Variants in SAFB observed in about 807,000 individuals in gnomAD.
The protein encoded by SAFB is scaffold attachment factor B, also known as scaffold attachment factor B1.
SAFB carries 15 observed loss-of-function variants against 101.6 expected under a neutral mutation model. That is an observed-to-expected ratio of 0.15 (90% confidence interval 0.10 to 0.23). The LOEUF (loss-of-function observed/expected upper bound fraction) is 0.23, where lower values mean the gene tolerates loss of function less well. SAFB is among the 10% of genes least tolerant of loss of function. The pLI is 1.00. For missense variants in SAFB, 930 were observed against 1,104.1 expected (o/e 0.84, Z 2.23); for synonymous variants, 449 against 407.5 (o/e 1.10, Z -1.23).
chr19:5,664,221 C>T, intron 16 of SAFB, 62 bp downstream of exon 16: 1 of 1,572,076 alleles, frequency 6.4e-7, no homozygotes, highest in African/African-American at 1.4e-5. Context: ...TGACTGAGAA[C>T]AAGGACTCCT....
intron 2 of SAFB, among the ~76,000 whole-genome samples, chr19:5,636,528 C>T (rs2053599901): frequency 6.6e-6 from 1 of 151,908 alleles, no homozygotes. Context: ...GTTTGATAGT[C>T]CCCTATCTTT....
At chr19:5,659,399 C>T (rs1372627257) in intron 14 of SAFB, among the ~76,000 whole-genome samples, 3 of 150,202 alleles carry the variant, frequency 2.0e-5, no homozygotes, top group Admixed American at 6.6e-5. Context: ...TTTTTTTTTC[C>T]GAGACGGAAT....
chr19:5,623,620 C>T (rs895492936), intron 1 of SAFB, among the ~76,000 whole-genome samples: 2 of 152,116 alleles, frequency 1.3e-5, no homozygotes, highest in South Asian at 2.1e-4. Flanking sequence ...ACCACAAAAA[C>T]GGCACGCGTG....
At chr19:5,629,463 T>C (rs2053441833) in intron 2 of SAFB, among the ~76,000 whole-genome samples, 1 of 152,124 alleles carries the variant, frequency 6.6e-6, no homozygotes, top group African/African-American at 2.4e-5. Flanking sequence ...CACACCTGTA[T>C]GCATATTTTT....
Position 5,623,142 on chromosome 19 carries a change from C to T in SAFB, c.-64C>T. The stretch of plus-strand genomic sequence containing the variant: ...CCCTCGCAGGCGGCGCCATTTTGTG[C>T]TAGGAGCCTGATAAAACCGGCCCGG... On this transcript the variant is annotated 5_prime_UTR_variant, in exon 1 of 21. Coordinates refer to ENST00000588852, the MANE Select transcript of SAFB (RefSeq NM_001201338.2). 2.0e-6 allele frequency: 3 copies of T among 1,497,990 alleles called. No homozygotes were observed. The highest frequency in any genetic ancestry group is 2.4e-5 in the South Asian group (2 of 82,756). The allele number at this position is 1,497,990 out of a possible 1,614,324, so 92.8% of individuals were successfully genotyped here.
rs373744215 is a variant in SAFB at position 5,668,262 on chromosome 19, A to G, written c.2725A>G (p.Ser909Gly). ...FGGQSRGSRP[S>G]DARFTRRY ...AGGCCAGAGCCGGGGGAGCAGGCCC[A>G]GCGATGCCCGCTTCACTCGCCGCTA... is the stretch of plus-strand genomic sequence containing the variant. The change falls in exon 21 of 21, where the codon AGC (serine) becomes GGC (glycine). Residue 909 changes from serine (S) to glycine (G), a missense_variant. Ser to Gly is a moderately conservative substitution (Grantham distance 56). Transcript: ENST00000588852. The G allele has an allele frequency of 3.1e-6, 5 of 1,612,022 alleles. No homozygotes were observed. The Admixed American group carries it at 8.4e-5, about 27-fold the overall frequency.
chr19:5,658,078 G>A (rs2054104901), intron 14 of SAFB, among the ~76,000 whole-genome samples: 1 of 151,420 alleles, frequency 6.6e-6, no homozygotes, highest in African/African-American at 2.4e-5. Context: ...GCTCACCGCA[G>A]CCTCCACCTC....
rs1416612890 is a variant in SAFB at position 5,649,439 on chromosome 19, A to G, written c.1088A>G (p.Asn363Ser). The stretch of plus-strand genomic sequence containing the variant: ...AGGAAGTTTGATTTTGACGCTTGTA[A>G]TGAAGTCCCTCCGGCTCCTAAAGAG... ...DGRKFDFDAC[N>S]EVPPAPKESS... The change falls in exon 7 of 21, where the codon AAT becomes AGT. Residue 363 changes from asparagine to serine, a missense_variant. By Grantham distance (46) the Asn-to-Ser change is conservative. Coordinates refer to ENST00000588852, the MANE Select transcript of SAFB (RefSeq NM_001201338.2). The G allele has an allele frequency of 2.0e-6, 1 of 491,782 alleles. No individual in the cohort carries two copies. Among genetic ancestry groups the G allele is most frequent in the African/African-American group, 3.6e-5 (1 of 27,724 alleles). The allele number at this position is 491,782 out of a possible 1,614,324, so 30.5% of individuals were successfully genotyped here.
intron 2 of SAFB, among the ~76,000 whole-genome samples, chr19:5,634,723 C>T (rs2053559799): frequency 6.6e-6 from 1 of 152,036 alleles, no homozygotes; most frequent in South Asian, 2.1e-4. Flanking sequence ...TATGAACAGG[C>T]AATTTACAAA....
In SAFB at chr19:5,653,406, G is replaced by A. The variant is rs1230145669; in HGVS notation, c.1512G>A (p.Ser504=). 7.4e-6 allele frequency: 12 copies of A among 1,613,964 alleles called. No individual in the cohort carries two copies. The highest frequency in any genetic ancestry group is 9.3e-6 in the Non-Finnish European group (11 of 1,179,908). ...KRDSDGKKEK[S]SNSDRSTNLK... is the part of the protein sequence containing the mutation. ...ACAGTGACGGGAAAAAGGAGAAGTCGAGCAACAGTGACAGGTACCCCTCCT... is the reference window on the plus strand; with the variant it reads ...ACAGTGACGGGAAAAAGGAGAAGTCAAGCAACAGTGACAGGTACCCCTCCT... Residue 504 remains serine (S), a synonymous_variant, in exon 11 of 21, where the codon TCG becomes TCA. Coordinates refer to ENST00000588852, the MANE Select transcript of SAFB (RefSeq NM_001201338.2).
chr19:5,638,151 C>T (rs547614526), intron 2 of SAFB, among the ~76,000 whole-genome samples: 1 of 152,060 alleles, frequency 6.6e-6, no homozygotes, highest in Non-Finnish European at 1.5e-5. Flanking sequence ...TGAACTGTTG[C>T]AAATGTTATA....
intron 4 of SAFB, among the ~76,000 whole-genome samples, chr19:5,642,301 G>T (rs2053733395): frequency 6.6e-6 from 1 of 152,170 alleles, no homozygotes; most frequent in Admixed American, 6.5e-5. Context: ...AGAAGCAATT[G>T]TTGAGCTGGG....
At chr19:5,632,108 AATT>A (rs761629149) in intron 2 of SAFB, among the ~76,000 whole-genome samples, 22 of 152,306 alleles carry the variant, frequency 1.4e-4, no homozygotes, top group Non-Finnish European at 2.8e-4. Flanking sequence ...ACAAAGTACA[AATT>A]AATAGGATGT....
intron 10 of SAFB, 24 bp from the exon 11 acceptor site, chr19:5,653,314 G>T: frequency 8.1e-6 from 13 of 1,613,964 alleles, no homozygotes; most frequent in Non-Finnish European, 1.0e-5. Flanking sequence ...GGAAATGGGG[G>T]TAATACTTGA....
chr19:5,635,078 C>T (rs996799430), intron 2 of SAFB, among the ~76,000 whole-genome samples: 3 of 152,028 alleles, frequency 2.0e-5, no homozygotes, highest in East Asian at 1.9e-4. Context: ...GCGGAGGTTC[C>T]GGTGAGCCGA....
At position 5,649,390 on chromosome 19, in the gene SAFB, G is replaced by A; in HGVS notation, c.1039G>A (p.Ala347Thr). ...EAPTEAPSPE[A>T]RDSKEDGRKF... ...ACCCACGGAAGCCCCAAGCCCAGAA[G>A]CCAGAGATAGCAAAGAAGACGGGAG... The change falls in exon 7 of 21, where the codon GCC becomes ACC. Residue 347 changes from alanine to threonine, a missense_variant. Physicochemically the swap from Ala to Thr is moderately conservative, Grantham distance 58. Transcript: ENST00000588852. 1 of 437,318 alleles carries A rather than the reference G, an allele frequency of 2.3e-6. No individual in the cohort carries two copies. The highest frequency in any genetic ancestry group is 3.7e-6 in the Non-Finnish European group (1 of 268,948). 27.1% of individuals were successfully genotyped at this position (437,318 alleles called of 1,614,324 possible).
intron 9 of SAFB, among the ~76,000 whole-genome samples, chr19:5,651,959 G>T (rs2145454996): frequency 6.6e-6 from 1 of 152,310 alleles, no homozygotes; most frequent in East Asian, 1.9e-4. Flanking sequence ...ACTTTGGGAG[G>T]CCGAGGTGGG....
At chr19:5,628,543 A>G (rs963636716) in intron 2 of SAFB, among the ~76,000 whole-genome samples, 2 of 152,162 alleles carry the variant, frequency 1.3e-5, no homozygotes, top group Non-Finnish European at 2.9e-5. Context: ...ACTTGTGGCA[A>G]TATGTCAGTG....
chr19:5,668,344 G>T lies in SAFB; in HGVS notation c.*53G>T. ...TGGCAACAAGGCTATGTTCTGTTAG[G>T]AGTTACCTTAAACTGTGTAAAAATA... On this transcript the variant is annotated 3_prime_UTR_variant, in exon 21 of 21. Transcript: ENST00000588852. 1.3e-6 allele frequency: 2 copies of T among 1,584,090 alleles called. No homozygotes were observed. Among genetic ancestry groups the T allele is most frequent in the South Asian group, 1.1e-5 (1 of 87,322 alleles).
Sources: gnomAD v4.1 joint callset for allele counts (sites outside exome capture counted in the v4.1 genomes callset) on GRCh38, gnomAD v4.1.1 for gene constraint, MANE v1.5 for transcripts, NCBI Gene and HGNC (gene_info 2026-07-23, HGNC 2026-07-21) for gene names.